Variants in L3MBTL4 observed in about 807,000 individuals in gnomAD.
L3MBTL4 encodes lethal(3)malignant brain tumor-like protein 4.
In L3MBTL4, 70 loss-of-function variants were observed where a neutral mutation model predicts 84.5. The ratio of observed to expected loss-of-function variants is 0.83; its 90% CI spans 0.68 to 1.01. L3MBTL4 has a LOEUF of 1.01. L3MBTL4 is among the 50% of genes least tolerant of loss of function. The pLI, the probability that L3MBTL4 is intolerant of heterozygous loss-of-function variation, is 0.00. For synonymous variants in L3MBTL4, 274 were observed against 259.8 expected, an observed-to-expected ratio of 1.05 and a Z score of -0.52; for missense variants, 715 against 754.8, an observed-to-expected ratio of 0.95 and a Z score of 0.62.
chr18:6,003,859 T>C (rs1598409754), intron 16 of L3MBTL4, among the ~76,000 whole-genome samples: 3 of 152,082 alleles, frequency 2.0e-5, no homozygotes, highest in Admixed American at 6.5e-5. Context: ...TCATAACTTA[T>C]GTGATGAAGC....
At chr18:5,993,876 A>G (rs935680155) in intron 16 of L3MBTL4, among the ~76,000 whole-genome samples, 1 of 152,222 alleles carries the variant, frequency 6.6e-6, no homozygotes, top group Non-Finnish European at 1.5e-5. Context: ...CTTTCTGGGT[A>G]AAGTTAAAAA....
intron 10 of L3MBTL4, among the ~76,000 whole-genome samples, chr18:6,231,907 G>C (rs1370456408): frequency 6.6e-6 from 1 of 151,984 alleles, no homozygotes; most frequent in African/African-American, 2.4e-5. Flanking sequence ...TACCAAATTA[G>C]TCAGGCTAGA....
At chr18:5,980,323 C>T (rs1272761126) in intron 16 of L3MBTL4, among the ~76,000 whole-genome samples, 3 of 152,086 alleles carry the variant, frequency 2.0e-5, no homozygotes, top group Admixed American at 6.5e-5. Context: ...GGGTGAGAGG[C>T]CAGGATTCCC....
chr18:6,163,405 T>A (rs1374271912), intron 13 of L3MBTL4, among the ~76,000 whole-genome samples: 1 of 151,498 alleles, frequency 6.6e-6, no homozygotes, highest in Non-Finnish European at 1.5e-5. Context: ...TCAAAATCAA[T>A]AAAACATAAA....
At chr18:6,017,017 TGGTAAATGGC>T (rs2055019433) in intron 16 of L3MBTL4, among the ~76,000 whole-genome samples, 1 of 125,842 alleles carries the variant, frequency 7.9e-6, no homozygotes, top group Non-Finnish European at 1.6e-5. Context: ...GCAGAGGGGG[TGGTAAATGGC>T]CCACCTGAGC....
intron 16 of L3MBTL4, among the ~76,000 whole-genome samples, chr18:6,010,278 T>C (rs1345646185): frequency 6.6e-6 from 1 of 152,118 alleles, no homozygotes; most frequent in Non-Finnish European, 1.5e-5. Flanking sequence ...AAGTTGGAGT[T>C]TAGAGTTTAA....
chr18:6,346,103 A>AAT (rs34294575), intron 1 of L3MBTL4, among the ~76,000 whole-genome samples: 16,262 of 129,384 alleles, frequency 0.13, 880 homozygotes, highest in Admixed American at 0.15. Context: ...ATGATGTTGG[A>AAT]ATATATATAT....
chr18:6,097,458 C>A (rs761661188), intron 14 of L3MBTL4, among the ~76,000 whole-genome samples: 2 of 152,180 alleles, frequency 1.3e-5, no homozygotes, highest in Non-Finnish European at 2.9e-5. Context: ...CACTGAGCCC[C>A]TGAGGCTGGA....
intron 12 of L3MBTL4, among the ~76,000 whole-genome samples, chr18:6,205,017 A>T (rs1017224795): frequency 6.6e-6 from 1 of 152,362 alleles, no homozygotes; most frequent in South Asian, 2.1e-4. Flanking sequence ...ATAGGCTCCC[A>T]AAGATGTCGA....
At chr18:6,152,265 T>C (rs1284705019) in intron 13 of L3MBTL4, among the ~76,000 whole-genome samples, 1 of 152,178 alleles carries the variant, frequency 6.6e-6, no homozygotes, top group East Asian at 1.9e-4. Flanking sequence ...GATTGCTGGA[T>C]CTCATGGTAG....
chr18:6,003,154 TAAAATATAGTATCTCTA>T (rs1308871839), intron 16 of L3MBTL4, among the ~76,000 whole-genome samples: 3 of 104,728 alleles, frequency 2.9e-5, no homozygotes, highest in African/African-American at 1.1e-4. Context: ...AGATACTATA[TAAAATATAGTATCTCTA>T]TTTATAGAGA....
chr18:6,139,756 A>T (rs762682298), intron 13 of L3MBTL4, among the ~76,000 whole-genome samples: 5 of 151,858 alleles, frequency 3.3e-5, no homozygotes, highest in Non-Finnish European at 5.9e-5. Flanking sequence ...ACAGCCCTCC[A>T]CAGGGGTCAC....
chr18:6,036,056 C>A (rs142459097), intron 16 of L3MBTL4, among the ~76,000 whole-genome samples: 7 of 152,084 alleles, frequency 4.6e-5, no homozygotes, highest in Admixed American at 2.0e-4. Context: ...AGGTTTCTGA[C>A]GAGAAATTTG....
At chr18:6,213,674 AGTGCTGGGATTACAGGC>A (rs1244417088) in intron 11 of L3MBTL4, among the ~76,000 whole-genome samples, 50 of 152,194 alleles carry the variant, frequency 3.3e-4, no homozygotes, top group African/African-American at 1.2e-3. Context: ...GGCATCCCAA[AGTGCTGGGATTACAGGC>A]GTGAGCCATC....
intron 12 of L3MBTL4, among the ~76,000 whole-genome samples, chr18:6,180,205 G>A (rs1034195679): frequency 1.3e-5 from 2 of 151,916 alleles, no homozygotes; most frequent in Admixed American, 6.6e-5. Flanking sequence ...TGCAGACAAG[G>A]GTAATGAAGG....
intron 5 of L3MBTL4, among the ~76,000 whole-genome samples, chr18:6,263,615 T>G (rs1006558125): frequency 2.0e-5 from 3 of 152,326 alleles, no homozygotes; most frequent in Non-Finnish European, 4.4e-5. Context: ...TGAGCATTTA[T>G]AGTATGCACA....
chr18:6,204,516 A>G (rs1324259362), intron 12 of L3MBTL4, among the ~76,000 whole-genome samples: 1 of 152,254 alleles, frequency 6.6e-6, no homozygotes, highest in Non-Finnish European at 1.5e-5. Context: ...AGAAAAAAAC[A>G]TATATGTGCA....
chr18:6,148,914 C>A (rs971346244), intron 13 of L3MBTL4, among the ~76,000 whole-genome samples: 1 of 151,894 alleles, frequency 6.6e-6, no homozygotes, highest in African/African-American at 2.4e-5. Flanking sequence ...CACTAGATAG[C>A]CCTGTTCCAT....
intron 12 of L3MBTL4, among the ~76,000 whole-genome samples, chr18:6,175,697 A>C (rs113541499): frequency 6.6e-5 from 10 of 152,336 alleles, no homozygotes; most frequent in African/African-American, 2.4e-4. Flanking sequence ...GTTTGATAAA[A>C]GGCATCTATG....
Sources: gnomAD v4.1 joint callset for allele counts (sites outside exome capture counted in the v4.1 genomes callset) on GRCh38, gnomAD v4.1.1 for gene constraint, MANE v1.5 for transcripts, NCBI Gene and HGNC (gene_info 2026-07-23, HGNC 2026-07-21) for gene names.